The following TCF7L1 variants were observed in gnomAD, a reference collection of about 807,000 sequenced individuals.
TCF7L1 encodes the protein transcription factor 7-like 1.
Under a neutral mutation model 63.7 loss-of-function variants are expected in TCF7L1, and 18 were observed. That is an observed-to-expected ratio of 0.28 (90% CI 0.20 to 0.42). TCF7L1 has a LOEUF of 0.42. Among genes scored for constraint, TCF7L1 ranks in the 10% least tolerant of loss-of-function variants. The probability of loss-of-function intolerance (pLI) is 1.00; values close to 1 mark genes in which losing one functional copy is unlikely to be tolerated. For missense variants in TCF7L1, 654 were observed against 779.3 expected (o/e 0.84, Z 1.91); for synonymous variants, 355 against 340.9 (o/e 1.04, Z -0.46).
At chr2:85,184,619 G>T (rs1354070494) in intron 3 of TCF7L1, among the ~76,000 whole-genome samples, 1 of 152,116 alleles carries the variant, frequency 6.6e-6, no homozygotes, top group Admixed American at 6.5e-5. Flanking sequence ...GGAGAGCTCC[G>T]CAGAAGATGA....
Position 85,306,742 on chromosome 2 carries a change from G to GAAA in TCF7L1, c.1257+183_1257+184insAAA, listed in dbSNP as rs1682119362. Among the ~76,000 whole-genome samples the GAAA allele has an allele frequency of 6.6e-6, 1 of 152,128 alleles. No homozygotes were observed. Among genetic ancestry groups the GAAA allele is most frequent in the Non-Finnish European group, 1.5e-5 (1 of 68,024 alleles). ...TGCAGTGGCGCGATCTCGGCTCACT[G>GAAA]CAAGCTCCGCCTCCCCGGTTCACAC... On this transcript the variant is annotated intron_variant, in intron 10 of 11. Coordinates refer to ENST00000282111, the MANE Select transcript of TCF7L1 (RefSeq NM_031283.3). This position sits in a 1 kb window ranked among gnomAD's most constrained non-coding sequence, Gnocchi z 4.3.
intron 4 of TCF7L1, among the ~76,000 whole-genome samples, chr2:85,298,610 G>C (rs2104384084): frequency 6.6e-6 from 1 of 152,064 alleles, no homozygotes; most frequent in Admixed American, 6.5e-5. Flanking sequence ...ACCTGAGCTA[G>C]AAAGAGCTGG....
chr2:85,196,258 C>T (rs1047089844), intron 3 of TCF7L1, among the ~76,000 whole-genome samples: 1 of 152,204 alleles, frequency 6.6e-6, no homozygotes, highest in African/African-American at 2.4e-5. Flanking sequence ...CCCACATAAA[C>T]GATGTCATTC....
intron 3 of TCF7L1, among the ~76,000 whole-genome samples, chr2:85,193,387 T>C (rs939839032): frequency 6.6e-6 from 1 of 152,184 alleles, no homozygotes; most frequent in Non-Finnish European, 1.5e-5. Context: ...TTTCTTGCTC[T>C]AAAGGGCATT....
chr2:85,281,572 G>C (rs1334527994), intron 3 of TCF7L1, among the ~76,000 whole-genome samples: 9 of 152,190 alleles, frequency 5.9e-5, no homozygotes, highest in African/African-American at 2.2e-4. Flanking sequence ...AGGGATGGGT[G>C]GTGGTGGGAA....
At position 85,302,537 on chromosome 2, in the gene TCF7L1, C is replaced by T. The variant is rs773036238; in HGVS notation, c.579C>T (p.Pro193=). 2 of 1,614,218 alleles carry T rather than the reference C, an allele frequency of 1.2e-6. No homozygotes were observed. The highest frequency in any genetic ancestry group is 1.3e-5 in the African/African-American group (1 of 75,062). ...CGCATCACATGCATCCGCTGACTCCCCTCATCACCTACAGCAATGACCACT... is the reference window on the plus strand; with the variant it reads ...CGCATCACATGCATCCGCTGACTCCTCTCATCACCTACAGCAATGACCACT... ...QHPHHMHPLT[P]LITYSNDHFS... The change falls in exon 5 of 12, where the codon CCC becomes CCT. Residue 193 remains proline (P), a synonymous_variant. Transcript: ENST00000282111.
At chr2:85,171,098 A>T (rs1226542988) in intron 3 of TCF7L1, among the ~76,000 whole-genome samples, 1 of 152,158 alleles carries the variant, frequency 6.6e-6, no homozygotes, top group Non-Finnish European at 1.5e-5. Context: ...AGCAGAAGGG[A>T]AAGGAGAAGC....
At chr2:85,275,820 T>C (rs1442001824) in intron 3 of TCF7L1, among the ~76,000 whole-genome samples, 1 of 150,054 alleles carries the variant, frequency 6.7e-6, no homozygotes, top group East Asian at 2.0e-4. Flanking sequence ...CTTGAGAGGC[T>C]GAGATGGGAG....
At chr2:85,258,591 G>A (rs1192377070) in intron 3 of TCF7L1, among the ~76,000 whole-genome samples, 1 of 152,216 alleles carries the variant, frequency 6.6e-6, no homozygotes, top group Non-Finnish European at 1.5e-5. Flanking sequence ...AGGAGTCTGG[G>A]AATTCTAAAT....
rs1682210817 is a variant in TCF7L1, at chr2:85,309,066, G to A, written c.1371G>A (p.Gln457=). The change falls in exon 12 of 12, where the codon CAG becomes CAA. Residue 457 remains glutamine (Q), a synonymous_variant. Coordinates refer to ENST00000282111, the MANE Select transcript of TCF7L1 (RefSeq NM_031283.3). ...LASKSKKPCV[Q]YLPPEKPCDS... The stretch of plus-strand genomic sequence containing the variant: ...CCAAGAGCAAGAAGCCATGTGTTCA[G>A]TACCTGCCCCCCGAGAAGCCCTGTG... The A allele has an allele frequency of 6.2e-7, 1 of 1,610,954 alleles. No individual in the cohort carries two copies. Among genetic ancestry groups the A allele is most frequent in the Non-Finnish European group, 8.5e-7 (1 of 1,178,390 alleles).
chr2:85,226,477 T>C (rs1190772183), intron 3 of TCF7L1, among the ~76,000 whole-genome samples: 1 of 152,230 alleles, frequency 6.6e-6, no homozygotes, highest in East Asian at 1.9e-4. Flanking sequence ...GAATCTGGGC[T>C]AGCCTGGAAC....
chr2:85,257,892 A>G (rs1162101742), intron 3 of TCF7L1, among the ~76,000 whole-genome samples: 1 of 152,160 alleles, frequency 6.6e-6, no homozygotes, highest in Admixed American at 6.5e-5. Context: ...TTGATTTTCC[A>G]TGATTCGGGA....
chr2:85,148,493 G>T (rs530313785), intron 3 of TCF7L1, among the ~76,000 whole-genome samples: 3 of 151,930 alleles, frequency 2.0e-5, no homozygotes, highest in Admixed American at 6.6e-5. Context: ...GCCCCCCTCA[G>T]GGAGAATGGG....
chr2:85,263,949 A>C (rs1369223611), intron 3 of TCF7L1, among the ~76,000 whole-genome samples: 1 of 152,226 alleles, frequency 6.6e-6, no homozygotes, highest in Non-Finnish European at 1.5e-5. Context: ...TGGGTTTGGT[A>C]GTTAGGAGGT....
chr2:85,169,035 C>T (rs180672243), intron 3 of TCF7L1, among the ~76,000 whole-genome samples: 1 of 152,296 alleles, frequency 6.6e-6, no homozygotes, highest in East Asian at 1.9e-4. Flanking sequence ...CTTCCCTTGC[C>T]CATTAGTGTC....
intron 3 of TCF7L1, among the ~76,000 whole-genome samples, chr2:85,212,709 G>A (rs540424595): frequency 6.6e-6 from 1 of 152,266 alleles, no homozygotes; most frequent in African/African-American, 2.4e-5. Flanking sequence ...TTGTTTCTGT[G>A]TGAGTTGCAA....
intron 3 of TCF7L1, among the ~76,000 whole-genome samples, chr2:85,180,007 G>A (rs1245873363): frequency 1.3e-5 from 2 of 152,038 alleles, no homozygotes; most frequent in African/African-American, 4.8e-5. Flanking sequence ...ACACATAGGG[G>A]GTGTCTTGCC....
In TCF7L1 at chr2:85,309,078, C is replaced by T. The variant is rs760835516; in HGVS notation, c.1383C>T (p.Pro461=). The T allele has an allele frequency of 6.6e-5, 106 of 1,612,904 alleles. No individual in the cohort carries two copies. Among genetic ancestry groups the T allele is most frequent in the Non-Finnish European group, 8.7e-5 (103 of 1,179,562 alleles). The change falls in exon 12 of 12, where the codon CCC becomes CCT. Residue 461 remains proline, a synonymous_variant. Coordinates refer to ENST00000282111, the MANE Select transcript of TCF7L1 (RefSeq NM_031283.3). ...SKKPCVQYLP[P]EKPCDSPASS... ...AGCCATGTGTTCAGTACCTGCCCCC[C>T]GAGAAGCCCTGTGACAGCCCTGCCT...
chr2:85,265,052 G>A lies in TCF7L1; in HGVS notation c.442-18443G>A, dbSNP rs1396860502. Among the ~76,000 whole-genome samples the A allele has an allele frequency of 2.0e-5, 3 of 152,196 alleles. No individual in the cohort carries two copies. In the East Asian group the frequency reaches 5.8e-4, roughly 29 times the overall value. Reference sequence around the variant, plus strand: ...GATATGTATTCTAGGCAAGGATTTAGGTAGGGGAGAACCATGAACCTGGCA... The same window carrying A: ...GATATGTATTCTAGGCAAGGATTTAAGTAGGGGAGAACCATGAACCTGGCA... On this transcript the variant is annotated intron_variant, in intron 3 of 11. Coordinates refer to ENST00000282111, the MANE Select transcript of TCF7L1 (RefSeq NM_031283.3).
Sources: gnomAD v4.1 joint callset for allele counts (sites outside exome capture counted in the v4.1 genomes callset) on GRCh38, gnomAD v4.1.1 for gene constraint, Gnocchi (gnomAD v3.1) non-coding constraint, MANE v1.5 for transcripts, NCBI Gene and HGNC (gene_info 2026-07-23, HGNC 2026-07-21) for gene names.